Variants in FAM3C observed in about 807,000 individuals in gnomAD.
FAM3C encodes the protein FAM3 metabolism regulating signaling molecule C.
A neutral mutation model predicts 32.5 loss-of-function variants in FAM3C; 15 were observed. That is an observed-to-expected ratio of 0.46 (90% CI 0.31 to 0.71). The LOEUF (loss-of-function observed/expected upper bound fraction) is 0.71, where lower values mean the gene tolerates loss of function less well. Ranked by LOEUF, FAM3C falls within the 30% of genes least tolerant of loss-of-function variation. FAM3C has a pLI of 0.05. For synonymous variants in FAM3C, 75 were observed against 86.1 expected (o/e 0.87, Z 0.72); for missense variants, 175 against 274.4 (o/e 0.64, Z 2.56).
intron 7 of FAM3C, among the ~76,000 whole-genome samples, chr7:121,361,171 A>G (rs558355393): frequency 6.6e-6 from 1 of 152,330 alleles, no homozygotes; most frequent in Admixed American, 6.5e-5. Context: ...TGCCAGATAC[A>G]TAGGTCAGAT....
At chr7:121,390,712 G>A (rs1411137193) in intron 1 of FAM3C, among the ~76,000 whole-genome samples, 1 of 151,732 alleles carries the variant, frequency 6.6e-6, no homozygotes, top group Admixed American at 6.6e-5. Flanking sequence ...CTGCATACCT[G>A]GAGAATCAGA....
At position 121,382,980 on chromosome 7, in the gene FAM3C, TCA is replaced by T. The variant is rs759446521; in HGVS notation, c.-13_-12del. On this transcript the variant is annotated 5_prime_UTR_variant, in exon 2 of 10. The change abolishes the stop of an existing upstream ORF in the 5' untranslated region. Coordinates refer to ENST00000359943, the MANE Select transcript of FAM3C (RefSeq NM_014888.3). ...ACCTGCTACCCTCATGTTTGGTTTT[TCA>T]GTTTATGGCACTTTTCATTAATATG... 8 of 1,602,226 alleles carry T rather than the reference TCA, an allele frequency of 5.0e-6. No individual in the cohort carries two copies. The highest frequency in any genetic ancestry group is 6.0e-6 in the Non-Finnish European group (7 of 1,171,732).
chr7:121,372,153 A>T lies in FAM3C; in HGVS notation c.119-14T>A, dbSNP rs777645497. On this transcript the variant is annotated splice_polypyrimidine_tract_variant and intron_variant, in intron 3 of 9. Transcript: ENST00000359943. ...ATGCTGATCTTGCTGAAAAAAAAAA[A>T]TTACTTTTGTTAGAAGGAATGAGTC... 2 of 1,592,648 alleles carry T rather than the reference A, an allele frequency of 1.3e-6. No individual in the cohort carries two copies. The highest frequency in any genetic ancestry group is 2.2e-5 in the South Asian group (2 of 90,130).
At chr7:121,371,537 G>A (rs1307634958) in intron 4 of FAM3C, 114 bp from the exon 5 acceptor site, 5 of 1,108,876 alleles carry the variant, frequency 4.5e-6, no homozygotes, top group East Asian at 2.5e-5. Flanking sequence ...CAAGATACAC[G>A]TATCTTAAAA....
intron 5 of FAM3C, 39 bp downstream of exon 5, chr7:121,371,261 A>T: frequency 6.2e-7 from 1 of 1,604,514 alleles, no homozygotes; most frequent in Non-Finnish European, 8.5e-7. Context: ...GCTGCAATTT[A>T]ATAGCACACC....
Position 121,360,090 on chromosome 7 carries a change from T to C in FAM3C, c.420A>G (p.Gln140=). 1 of 1,602,906 alleles carries C rather than the reference T, an allele frequency of 6.2e-7. No homozygotes were observed. The highest frequency in any genetic ancestry group is 1.1e-5 in the South Asian group (1 of 90,796). The change falls in exon 8 of 10, where the codon CAA becomes CAG. Residue 140 remains glutamine, a synonymous_variant. Coordinates refer to ENST00000359943, the MANE Select transcript of FAM3C (RefSeq NM_014888.3). ...APFIEFLKAI[Q]DGTIVLMGTY... ...TTCCCATTAAAACTATTGTTCCATCTTGTATGGCCTTCAGAAACTCAATAA... is the reference window on the plus strand; with the variant it reads ...TTCCCATTAAAACTATTGTTCCATCCTGTATGGCCTTCAGAAACTCAATAA...
intron 2 of FAM3C, among the ~76,000 whole-genome samples, chr7:121,382,268 G>A (rs1383796750): frequency 6.6e-6 from 1 of 151,908 alleles, no homozygotes; most frequent in Non-Finnish European, 1.5e-5. Context: ...AACATCTAAT[G>A]GTGTTTTTCA....
intron 2 of FAM3C, among the ~76,000 whole-genome samples, chr7:121,381,134 A>C (rs1794342983): frequency 6.6e-6 from 1 of 152,236 alleles, no homozygotes; most frequent in African/African-American, 2.4e-5. Flanking sequence ...ATGGGGCCTA[A>C]CATACCAACC....
At chr7:121,373,556 T>C (rs1794186831) in intron 3 of FAM3C, among the ~76,000 whole-genome samples, 1 of 152,208 alleles carries the variant, frequency 6.6e-6, no homozygotes, top group Non-Finnish European at 1.5e-5. Context: ...CATGGAACAA[T>C]AATAAACATT....
intron 1 of FAM3C, among the ~76,000 whole-genome samples, chr7:121,391,852 T>A (rs1794584297): frequency 6.6e-6 from 1 of 152,250 alleles, no homozygotes; most frequent in African/African-American, 2.4e-5. Flanking sequence ...TTAGGCCTCA[T>A]AAGTGACATC....
chr7:121,378,950 T>G lies in FAM3C; in HGVS notation c.78A>C (p.Val26=). ...FLLTFYVISQ[V]FEIKMDASLG... ...AACTTGCATCCATTTTTATTTCAAA[T>G]ACTTGAGAAATAACATAAAATGTCA... The change falls in exon 3 of 10, where the codon GTA becomes GTC. Residue 26 remains valine (V), a synonymous_variant. Coordinates refer to ENST00000359943, the MANE Select transcript of FAM3C (RefSeq NM_014888.3). 1.9e-6 allele frequency: 3 copies of G among 1,565,004 alleles called. No homozygotes were observed. In the South Asian group the frequency reaches 3.7e-5, roughly 19 times the overall value.
chr7:121,353,712 C>A (rs1201589046), intron 8 of FAM3C, among the ~76,000 whole-genome samples: 1 of 152,148 alleles, frequency 6.6e-6, no homozygotes, highest in East Asian at 1.9e-4. Flanking sequence ...GGCATTGAGT[C>A]CCTAATAAGC....
intron 8 of FAM3C, among the ~76,000 whole-genome samples, chr7:121,356,803 C>G (rs1273067097): frequency 1.3e-5 from 2 of 152,100 alleles, no homozygotes; most frequent in Non-Finnish European, 2.9e-5. Flanking sequence ...TCATTCAAAC[C>G]ATTATCTCCT....
intron 1 of FAM3C, among the ~76,000 whole-genome samples, chr7:121,386,047 A>C (rs1794458674): frequency 6.6e-6 from 1 of 152,176 alleles, no homozygotes; most frequent in Non-Finnish European, 1.5e-5. Flanking sequence ...ATGTCATGCC[A>C]ATCAACTTGG....
chr7:121,387,633 C>A (rs534683404), intron 1 of FAM3C, among the ~76,000 whole-genome samples: 1 of 152,078 alleles, frequency 6.6e-6, no homozygotes, highest in Non-Finnish European at 1.5e-5. Flanking sequence ...GGAAACAAAT[C>A]TAGATGCTGT....
chr7:121,392,634 C>T (rs1016428762), intron 1 of FAM3C, among the ~76,000 whole-genome samples: 4 of 152,166 alleles, frequency 2.6e-5, no homozygotes, highest in Admixed American at 2.6e-4. Context: ...ATTTAACAAT[C>T]ACTTAACTGC....
intron 1 of FAM3C, among the ~76,000 whole-genome samples, chr7:121,388,193 G>A (rs544287342): frequency 2.0e-5 from 3 of 151,266 alleles, no homozygotes; most frequent in African/African-American, 7.3e-5. Flanking sequence ...GCAGGATACC[G>A]AATCCTAGAA....
chr7:121,356,214 A>G (rs1344036014), intron 8 of FAM3C, among the ~76,000 whole-genome samples: 2 of 152,186 alleles, frequency 1.3e-5, no homozygotes, highest in Non-Finnish European at 2.9e-5. Context: ...TCTGCATTGT[A>G]CCTTGTACTG....
rs561403361 is a variant in FAM3C at position 121,356,365 on chromosome 7, C to G, written c.467+3678G>C. ...TATACATGACAAAAAGTTAAAAGAG[C>G]CTGTGTATTAAGCCGGAAAAAGAGA... On this transcript the variant is annotated intron_variant, in intron 8 of 9. Coordinates refer to ENST00000359943, the MANE Select transcript of FAM3C (RefSeq NM_014888.3). Among the ~76,000 whole-genome samples the G allele has an allele frequency of 5.1e-4, 78 of 152,098 alleles. 1 individual carries two copies. In the South Asian group the frequency reaches 0.014, roughly 27 times the overall value.
Sources: allele counts gnomAD v4.1 joint callset (sites outside exome capture counted in the v4.1 genomes callset), GRCh38; gene constraint gnomAD v4.1.1; transcripts MANE v1.5; gene names NCBI Gene and HGNC (gene_info 2026-07-23, HGNC 2026-07-21).